HHLA2: variants seen among roughly 807,000 people sequenced by gnomAD.
HHLA2 encodes HERV-H LTR-associating protein 2.
HHLA2 carries 48 observed loss-of-function variants against 45.9 expected under a neutral mutation model. That is an observed-to-expected ratio of 1.05 (90% CI 0.83 to 1.33). The LOEUF is 1.33. Among genes scored for constraint, HHLA2 ranks in the 40% most tolerant of loss-of-function variants. HHLA2 has a pLI of 0.00. For synonymous variants in HHLA2, 161 were observed against 173.9 expected (o/e 0.93, Z 0.59); for missense variants, 462 against 494.3 (o/e 0.93, Z 0.62).
intron 3 of HHLA2, among the ~76,000 whole-genome samples, chr3:108,331,609 A>G (rs567203785): frequency 6.6e-6 from 1 of 152,240 alleles, no homozygotes; most frequent in Non-Finnish European, 1.5e-5. Context: ...AGGCCTCAAA[A>G]TGCCCTTTGG....
chr3:108,304,914 T>G (rs1285166842), intron 1 of HHLA2, among the ~76,000 whole-genome samples: 1 of 152,194 alleles, frequency 6.6e-6, no homozygotes, highest in East Asian at 1.9e-4. Context: ...TGTTGTCATA[T>G]TTGCTGCCTG....
intron 2 of HHLA2, among the ~76,000 whole-genome samples, chr3:108,324,040 G>T: frequency 6.6e-6 from 1 of 152,098 alleles, no homozygotes; most frequent in Non-Finnish European, 1.5e-5. Context: ...GCACTCCTTT[G>T]TTAGAAAACA....
chr3:108,330,251 A>G (rs566211835), intron 3 of HHLA2, among the ~76,000 whole-genome samples: 5 of 152,160 alleles, frequency 3.3e-5, no homozygotes, highest in Admixed American at 6.5e-5. Flanking sequence ...CAGTGTGGGA[A>G]AGGACTATAC....
At chr3:108,349,292 T>TA (rs1447934953) in intron 3 of HHLA2, among the ~76,000 whole-genome samples, 2 of 150,486 alleles carry the variant, frequency 1.3e-5, no homozygotes, top group Non-Finnish European at 3.0e-5. Flanking sequence ...ATAGACACAA[T>TA]AAAAAATGAT....
At chr3:108,375,452 C>T (rs1229281126) in intron 8 of HHLA2, among the ~76,000 whole-genome samples, 4 of 151,744 alleles carry the variant, frequency 2.6e-5, no homozygotes, top group African/African-American at 9.7e-5. Context: ...ATGTTGTGCA[C>T]ATGTACCCTA....
In HHLA2 at chr3:108,340,469, C is replaced by T. The variant is rs76413565; in HGVS notation, c.-26-11319C>T. 3.6e-3 allele frequency among the ~76,000 whole-genome samples: 549 copies of T among 152,298 alleles called. 9 individuals carry two copies. Among genetic ancestry groups the T allele is most frequent in the East Asian group, 0.035 (181 of 5,180 alleles). ...AGTCTTTACTAAACTCAGAAAACTTCGTTGGAGAATTTCTAGTTATAGAAA... is the reference window on the plus strand; with the variant it reads ...AGTCTTTACTAAACTCAGAAAACTTTGTTGGAGAATTTCTAGTTATAGAAA... On this transcript the variant is annotated intron_variant, in intron 3 of 10. Coordinates refer to ENST00000619531, the Ensembl canonical transcript of HHLA2.
Position 108,353,527 on chromosome 3 carries a change from G to A in HHLA2, c.165G>A (p.Arg55=), listed in dbSNP as rs1243775103. 1.9e-6 allele frequency: 3 copies of A among 1,612,730 alleles called. No homozygotes were observed. In the African/African-American group the frequency reaches 4.0e-5, roughly 22 times the overall value. The change falls in exon 5 of 11, where the codon AGG becomes AGA. Residue 55 remains arginine (R), a synonymous_variant. Transcript: ENST00000619531. The stretch of plus-strand genomic sequence containing the variant: ...TAATTCTCCCTTCTTCATTTGAGAG[G>A]GGATCCGAAGTCGTAATACACTGGA...
intron 2 of HHLA2, chr3:108,326,773 C>A (rs1007938194): frequency 2.0e-5 from 3 of 152,472 alleles, no homozygotes; most frequent in African/African-American, 7.2e-5. Context: ...TGAAAAGCTT[C>A]TGCAGCTGTT....
At position 108,337,827 on chromosome 3, in the gene HHLA2, G is replaced by A. The variant is rs774572330; in HGVS notation, c.-27+9480G>A. ...GCTTGGTCATTCTTCCTTGAGTTCT[G>A]GAGTTACCAGTGTCCTTCTAATTTC... On this transcript the variant is annotated intron_variant, in intron 3 of 10. Coordinates refer to ENST00000619531, the Ensembl canonical transcript of HHLA2. Among the ~76,000 whole-genome samples the A allele has an allele frequency of 5.9e-5, 9 of 152,122 alleles. No individual in the cohort carries two copies. The South Asian group carries it at 8.3e-4, about 14-fold the overall frequency.
chr3:108,325,634 C>T, intron 2 of HHLA2: 1 of 240,644 alleles, frequency 4.2e-6, no homozygotes, highest in Non-Finnish European at 8.3e-6. Context: ...CCTTCGTAGG[C>T]CCAAAATTTG....
rs2081785247 is a variant in HHLA2 at position 108,351,891 on chromosome 3, T to C, written c.64+14T>C. ...GTGGATCTCAAGGTAATTTCGTTTG[T>C]AATACAAGTGTTAGTTATTTGCATT... On this transcript the variant is annotated intron_variant, in intron 4 of 10. Coordinates refer to ENST00000619531, the Ensembl canonical transcript of HHLA2. 1 of 1,556,424 alleles carries C rather than the reference T, an allele frequency of 6.4e-7. No individual in the cohort carries two copies. Among genetic ancestry groups the C allele is most frequent in the Admixed American group, 1.7e-5 (1 of 59,638 alleles).
exon 7 of HHLA2, chr3:108,358,091 C>G: frequency 6.2e-7 from 1 of 1,613,562 alleles, no homozygotes. Flanking sequence ...ATCTTTCAGA[C>G]AGTGGGGAAT....
chr3:108,371,946 G>C (rs2107511311), intron 8 of HHLA2, among the ~76,000 whole-genome samples: 1 of 152,266 alleles, frequency 6.6e-6, no homozygotes, highest in South Asian at 2.1e-4. Flanking sequence ...GGATATCCAG[G>C]AATTGAACTC....
intron 7 of HHLA2, among the ~76,000 whole-genome samples, chr3:108,361,958 A>C (rs2081990149): frequency 6.6e-6 from 1 of 152,186 alleles, no homozygotes. Context: ...GTTGTTTCTT[A>C]TTACAGTATA....
chr3:108,335,978 G>A (rs534992327), intron 3 of HHLA2, among the ~76,000 whole-genome samples: 32 of 151,658 alleles, frequency 2.1e-4, no homozygotes, highest in Non-Finnish European at 4.0e-4. Context: ...ATTATATCTA[G>A]TTGCTCTCAT....
chr3:108,343,423 G>A (rs904919859), intron 3 of HHLA2, among the ~76,000 whole-genome samples: 6 of 152,200 alleles, frequency 3.9e-5, no homozygotes, highest in African/African-American at 1.4e-4. Context: ...TTGTGTACCA[G>A]CTAGTCAGGT....
chr3:108,371,255 C>A (rs1051965744), intron 8 of HHLA2, among the ~76,000 whole-genome samples: 4 of 152,140 alleles, frequency 2.6e-5, no homozygotes, highest in Admixed American at 6.5e-5. Flanking sequence ...GAAACAAAAT[C>A]CTTTACAGAC....
At chr3:108,318,871 A>G (rs1414472756) in intron 2 of HHLA2, among the ~76,000 whole-genome samples, 1 of 152,230 alleles carries the variant, frequency 6.6e-6, no homozygotes. Flanking sequence ...CCAGAGATTC[A>G]TATTTATCTT....
intron 1 of HHLA2, among the ~76,000 whole-genome samples, chr3:108,297,418 A>G (rs899412935): frequency 2.0e-5 from 3 of 152,198 alleles, no homozygotes; most frequent in African/African-American, 7.2e-5. Flanking sequence ...TCAAGATCAT[A>G]GTCTCTAGAG....
Sources: allele counts gnomAD v4.1 joint callset (sites outside exome capture counted in the v4.1 genomes callset), GRCh38; gene constraint gnomAD v4.1.1; transcripts MANE v1.5; gene names NCBI Gene and HGNC (gene_info 2026-07-23, HGNC 2026-07-21).